GAD1: variants seen among roughly 807,000 people sequenced by gnomAD.
GAD1 encodes the protein 67 kDa glutamic acid decarboxylase.
A neutral mutation model predicts 75.2 loss-of-function variants in GAD1; 35 were observed. The observed-to-expected ratio is 0.47, with a 90% CI of 0.36 to 0.62. GAD1 has a LOEUF of 0.62. GAD1 is among the 20% of genes least tolerant of loss of function. GAD1 has a pLI of 0.00. For synonymous variants in GAD1, 257 were observed against 271.9 expected (o/e 0.95, Z 0.54); for missense variants, 490 against 758.5 (o/e 0.65, Z 4.16).
chr2:170,836,696 A>G lies in GAD1; in HGVS notation c.548-97A>G, dbSNP rs1393828900. On this transcript the variant is annotated intron_variant, in intron 5 of 16. Transcript: ENST00000358196. ...CTTATTCGACATATCACTGGGATGG[A>G]AGCCCCATCAGTGTGACCCAGTGGG... 7.2e-6 allele frequency: 6 copies of G among 829,304 alleles called. No individual in the cohort carries two copies. The East Asian group carries it at 1.5e-4, about 20-fold the overall frequency. 51.4% of individuals were successfully genotyped at this position (829,304 alleles called of 1,614,324 possible). A position where few individuals can be genotyped will look rare whatever the true frequency, so the allele number is the denominator to read the frequency against.
At chr2:170,839,335 T>C (rs967685942) in intron 6 of GAD1, among the ~76,000 whole-genome samples, 2 of 152,088 alleles carry the variant, frequency 1.3e-5, no homozygotes, top group Non-Finnish European at 1.5e-5. Context: ...AGATGGTAGG[T>C]TGGGTGTGGT....
intron 6 of GAD1, among the ~76,000 whole-genome samples, chr2:170,840,872 G>T (rs1228554459): frequency 6.6e-6 from 1 of 152,116 alleles, no homozygotes; most frequent in Non-Finnish European, 1.5e-5. Flanking sequence ...CAAAGCAAGG[G>T]AAAATTGATA....
Position 170,846,070 on chromosome 2 carries a change from A to C in GAD1, c.1002+7A>C. ...TCTTGAAGCCAAACAGAAGGTATGT[A>C]CTCCGTGGTGCATCTGAACTCCAGT... On this transcript the variant is annotated splice_region_variant and intron_variant, in intron 10 of 16. Transcript: ENST00000358196. The C allele has an allele frequency of 6.2e-7, 1 of 1,610,644 alleles. No homozygotes were observed. Among genetic ancestry groups the C allele is most frequent in the Non-Finnish European group, 8.5e-7 (1 of 1,176,918 alleles).
At chr2:170,827,337 C>T (rs544586084) in intron 3 of GAD1, among the ~76,000 whole-genome samples, 2 of 152,338 alleles carry the variant, frequency 1.3e-5, no homozygotes, top group Non-Finnish European at 2.9e-5. Flanking sequence ...TTGGTATTTA[C>T]AGAAACAGCT....
chr2:170,814,050 C>T (rs889498861), upstream of GAD1, among the ~76,000 whole-genome samples: 29 of 152,132 alleles, frequency 1.9e-4, no homozygotes, highest in African/African-American at 7.0e-4. Flanking sequence ...GAGAGGATAT[C>T]TTTTTTCCAC....
At chr2:170,829,189 C>G (rs1702154013) in intron 3 of GAD1, 9 of 463,174 alleles carry the variant, frequency 1.9e-5, no homozygotes, top group South Asian at 1.7e-4. Context: ...AGCTGTCCAA[C>G]TTACTTAATT....
At chr2:170,814,384 T>C (rs1244159787), upstream of GAD1, among the ~76,000 whole-genome samples, 1 of 152,212 alleles carries the variant, frequency 6.6e-6, no homozygotes, top group African/African-American at 2.4e-5. Context: ...GAAAGATCTA[T>C]GCCCTACCTC....
In GAD1 at chr2:170,845,728, C is replaced by T. The variant is rs769377346; in HGVS notation, c.890C>T (p.Ala297Val). ...SEQSHYSIKK[A>V]GAALGFGTDN... is the part of the protein sequence containing the mutation. ...CAGAGTCACTATTCCATAAAGAAAG[C>T]TGGGGCTGCACTTGGCTTTGGAACT... Residue 297 changes from alanine (A) to valine (V), a missense_variant, in exon 9 of 17, where the codon GCT becomes GTT. Physicochemically the swap from Ala to Val is moderately conservative, Grantham distance 64. Coordinates refer to ENST00000358196, the MANE Select transcript of GAD1 (RefSeq NM_000817.3). 4 of 1,614,000 alleles carry T rather than the reference C, an allele frequency of 2.5e-6. No individual in the cohort carries two copies. In the African/African-American group the frequency reaches 5.3e-5, roughly 22 times the overall value.
intron 12 of GAD1, among the ~76,000 whole-genome samples, chr2:170,852,166 T>C (rs1702754894): frequency 6.6e-6 from 1 of 152,232 alleles, no homozygotes; most frequent in Non-Finnish European, 1.5e-5. Context: ...TTTAACCTTT[T>C]GGCATGTTAG....
intron 14 of GAD1, among the ~76,000 whole-genome samples, chr2:170,855,076 TG>T (rs1702823296): frequency 6.6e-6 from 1 of 152,148 alleles, no homozygotes; most frequent in African/African-American, 2.4e-5. Flanking sequence ...ATAATTTCTA[TG>T]TTTAAGATTG....
At chr2:170,838,560 A>G (rs3791853) in intron 6 of GAD1, among the ~76,000 whole-genome samples, 8,142 of 152,288 alleles carry the variant, frequency 0.053, 440 homozygotes, top group East Asian at 0.24. Context: ...TATTAATACA[A>G]GCACTGAATT....
chr2:170,857,216 T>G, intron 15 of GAD1, 91 bp downstream of exon 15: 2 of 965,610 alleles, frequency 2.1e-6, no homozygotes, highest in East Asian at 2.4e-5. Context: ...GGAAAATCAA[T>G]CCCATGTTGC....
chr2:170,828,657 CTGTCCTCACCCTCCTCCCCTGT>C (rs2105773162), intron 3 of GAD1, among the ~76,000 whole-genome samples: 1 of 102,106 alleles, frequency 9.8e-6, no homozygotes, highest in Non-Finnish European at 2.3e-5. Context: ...CCTCCCTCTG[CTGTCCTCACCCTCCTCCCCTGT>C]TGTCCTCACC....
Position 170,860,815 on chromosome 2 carries a change from C to T in GAD1, c.*933C>T. On this transcript the variant is annotated 3_prime_UTR_variant, in exon 17 of 17. Coordinates refer to ENST00000358196, the MANE Select transcript of GAD1 (RefSeq NM_000817.3). ...TCTGTAAGAGAATTCTAAGATTGTA[C>T]ATAAAGTCATATATATGGAAATCCT... 6.6e-6 allele frequency: 1 copy of T among 152,574 alleles called. No homozygotes were observed. The highest frequency in any genetic ancestry group is 1.9e-4 in the East Asian group (1 of 5,194). 9.5% of individuals were successfully genotyped at this position (152,574 alleles called of 1,614,324 possible).
rs746406697 is a variant in GAD1 at position 170,845,585 on chromosome 2, G to A, written c.831G>A (p.Ala277=). 6.8e-6 allele frequency: 11 copies of A among 1,614,016 alleles called. No individual in the cohort carries two copies. Among genetic ancestry groups the A allele is most frequent in the East Asian group, 6.7e-5 (3 of 44,886 alleles). The change falls in exon 8 of 17, where the codon GCG becomes GCA. Residue 277 remains alanine (A), a synonymous_variant. Transcript: ENST00000358196. ...CGGAAGTTAAGACAAAGGGCATGGCGGCTGTGCCTAAACTGGTCCTCTTCA... is the reference window on the plus strand; with the variant it reads ...CGGAAGTTAAGACAAAGGGCATGGCAGCTGTGCCTAAACTGGTCCTCTTCA... ...YFPEVKTKGM[A]AVPKLVLFTS... is the part of the protein sequence containing the mutation.
At chr2:170,837,856 T>G (rs1702414286) in intron 6 of GAD1, among the ~76,000 whole-genome samples, 2 of 152,250 alleles carry the variant, frequency 1.3e-5, no homozygotes, top group African/African-American at 4.8e-5. Context: ...AAAAGGGTAG[T>G]ATTGCTTAAA....
At chr2:170,854,397 C>CTTTTT (rs71399565) in intron 14 of GAD1, among the ~76,000 whole-genome samples, 20 of 112,772 alleles carry the variant, frequency 1.8e-4, no homozygotes, top group East Asian at 4.8e-4. Flanking sequence ...ACCTTGAATT[C>CTTTTT]TTTTTTTTTT....
At chr2:170,857,613 A>C (rs1286802521) in intron 15 of GAD1, among the ~76,000 whole-genome samples, 1 of 152,198 alleles carries the variant, frequency 6.6e-6, no homozygotes, top group Non-Finnish European at 1.5e-5. Flanking sequence ...TATGAAAAGA[A>C]ATTTTACAAA....
intron 5 of GAD1, among the ~76,000 whole-genome samples, chr2:170,832,674 A>G (rs1194544095): frequency 1.5e-4 from 23 of 150,366 alleles, no homozygotes; most frequent in African/African-American, 5.6e-4. Flanking sequence ...GCACACACAC[A>G]CACACACACA....
Sources: gnomAD v4.1 joint callset for allele counts (sites outside exome capture counted in the v4.1 genomes callset) on GRCh38, gnomAD v4.1.1 for gene constraint, MANE v1.5 for transcripts, NCBI Gene and HGNC (gene_info 2026-07-23, HGNC 2026-07-21) for gene names.